The following ZNF136 variants were observed in gnomAD, a reference collection of about 807,000 sequenced individuals.
The protein encoded by ZNF136 is zinc finger protein 136 (clone pHZ-20).
ZNF136 carries 8 observed loss-of-function variants against 11.4 expected under a neutral mutation model. The ratio of observed to expected loss-of-function variants is 0.70; its 90% confidence interval spans 0.41 to 1.27. The LOEUF is 1.27. Among genes scored for constraint, ZNF136 ranks in the 50% most tolerant of loss-of-function variants. The pLI is 0.01. For synonymous variants in ZNF136, 190 were observed against 207.1 expected (o/e 0.92, Z 0.71); for missense variants, 590 against 656.5 (o/e 0.90, Z 1.11).
intron 1 of ZNF136, among the ~76,000 whole-genome samples, chr19:12,164,341 G>A (rs1977154900): frequency 6.6e-6 from 1 of 152,024 alleles, no homozygotes; most frequent in South Asian, 2.1e-4. Flanking sequence ...ACGTGATCTC[G>A]GCTCACTGCA....
chr19:12,169,602 A>G (rs983704808), intron 1 of ZNF136, among the ~76,000 whole-genome samples: 3 of 109,598 alleles, frequency 2.7e-5, no homozygotes, highest in African/African-American at 1.1e-4. Context: ...CACAGTACTG[A>G]TTCTGAATTT....
chr19:12,174,257 CT>C (rs1197225381), intron 1 of ZNF136, among the ~76,000 whole-genome samples: 1 of 152,108 alleles, frequency 6.6e-6, no homozygotes, highest in Non-Finnish European at 1.5e-5. Flanking sequence ...TCACAGAAGC[CT>C]TTTGTGTTGA....
intron 1 of ZNF136, among the ~76,000 whole-genome samples, chr19:12,173,770 C>T (rs76055793): frequency 0.013 from 2,041 of 152,248 alleles, 17 homozygotes; most frequent in Non-Finnish European, 0.019. Context: ...CCACTGCTGT[C>T]GGATGTGTGG....
chr19:12,185,680 T>C, intron 1 of ZNF136, 105 bp from the exon 2 acceptor site: 5 of 1,438,716 alleles, frequency 3.5e-6, no homozygotes, highest in Non-Finnish European at 4.7e-6. Context: ...GTGGAGTAAA[T>C]GTTTGCAGAC....
In ZNF136 at chr19:12,187,355, A is replaced by G. The variant is rs760230837; in HGVS notation, c.977A>G (p.His326Arg). The G allele has an allele frequency of 1.2e-6, 2 of 1,614,022 alleles. No individual in the cohort carries two copies. Among genetic ancestry groups the G allele is most frequent in the Non-Finnish European group, 1.7e-6 (2 of 1,180,012 alleles). The change falls in exon 4 of 4, where the codon CAT becomes CGT. Residue 326 changes from histidine (H) to arginine (R), a missense_variant. Transcript: ENST00000343979. Reference protein sequence around the residue: ...AFSYLPSLRLHERIHTGEKPF... With the variant: ...AFSYLPSLRLRERIHTGEKPF... ...AGTTATCTCCCCTCCCTTCGACTACATGAAAGAATTCACACTGGTGAGAAA... is the reference window on the plus strand; with the variant it reads ...AGTTATCTCCCCTCCCTTCGACTACGTGAAAGAATTCACACTGGTGAGAAA...
Position 12,187,641 on chromosome 19 carries a change from A to T in ZNF136, c.1263A>T (p.Val421=). Reference sequence around the variant, plus strand: ...CTCACACTGGAGAGAAACCTTATGTATGTAAACATTGTGGTAAAGCTTTCG... The same window carrying T: ...CTCACACTGGAGAGAAACCTTATGTTTGTAAACATTGTGGTAAAGCTTTCG... ...ERTHTGEKPY[V]CKHCGKAFVS... Residue 421 remains valine (V), a synonymous_variant, in exon 4 of 4, where the codon GTA becomes GTT. Transcript: ENST00000343979. 6.2e-7 allele frequency: 1 copy of T among 1,614,102 alleles called. No individual in the cohort carries two copies. Among genetic ancestry groups the T allele is most frequent in the South Asian group, 1.1e-5 (1 of 91,064 alleles).
intron 1 of ZNF136, chr19:12,163,719 CACG>C (rs1374953714): frequency 6.4e-6 from 1 of 155,618 alleles, no homozygotes; most frequent in Non-Finnish European, 1.4e-5. Context: ...CCCTTCCATT[CACG>C]ACATTAGCAA....
intron 1 of ZNF136, among the ~76,000 whole-genome samples, chr19:12,182,964 C>T (rs1368132789): frequency 2.0e-5 from 3 of 152,004 alleles, no homozygotes; most frequent in South Asian, 4.2e-4. Context: ...TGTATTTTAC[C>T]ATTAAAGCTT....
In ZNF136 at chr19:12,163,181, C is replaced by T; in HGVS notation, c.-23C>T. On this transcript the variant is annotated 5_prime_UTR_variant, in exon 1 of 4. Transcript: ENST00000343979. Reference sequence around the variant, plus strand: ...TGCCTTGGGATCCGGAGGGAGGAAGCTGGGACACCCGGGAGTCAGGAAATG... The same window carrying T: ...TGCCTTGGGATCCGGAGGGAGGAAGTTGGGACACCCGGGAGTCAGGAAATG... The T allele has an allele frequency of 7.1e-7, 1 of 1,400,464 alleles. No homozygotes were observed. 86.8% of individuals were successfully genotyped at this position (1,400,464 alleles called of 1,614,324 possible). A position where few individuals can be genotyped will look rare whatever the true frequency, so the allele number is the denominator to read the frequency against.
chr19:12,176,533 G>A (rs143809871), intron 1 of ZNF136, among the ~76,000 whole-genome samples: 1 of 151,966 alleles, frequency 6.6e-6, no homozygotes, highest in Non-Finnish European at 1.5e-5. Flanking sequence ...CACCATGTTG[G>A]CCAGGCTGGT....
intron 1 of ZNF136, among the ~76,000 whole-genome samples, chr19:12,181,078 T>C (rs954611350): frequency 2.0e-5 from 3 of 152,226 alleles, no homozygotes; most frequent in Non-Finnish European, 4.4e-5. Context: ...TTTCTTTTCT[T>C]GAGCTGGCTG....
At chr19:12,165,535 C>T (rs12609116) in intron 1 of ZNF136, among the ~76,000 whole-genome samples, 26,462 of 152,164 alleles carry the variant, frequency 0.17, 2,745 homozygotes, top group African/African-American at 0.28. Context: ...CGGCTTGTAT[C>T]TGTATTTCTC....
chr19:12,174,542 A>G (rs1046377474), intron 1 of ZNF136, among the ~76,000 whole-genome samples: 1 of 152,184 alleles, frequency 6.6e-6, no homozygotes, highest in Non-Finnish European at 1.5e-5. Context: ...TCCTCGATGT[A>G]TGTTAGAGAA....
At chr19:12,169,996 G>A (rs1051769996) in intron 1 of ZNF136, among the ~76,000 whole-genome samples, 6 of 149,700 alleles carry the variant, frequency 4.0e-5, no homozygotes, top group African/African-American at 7.3e-5. Context: ...GGGTTTCACT[G>A]TGTTAGCCAG....
At chr19:12,179,507 C>T (rs1179545202) in intron 1 of ZNF136, among the ~76,000 whole-genome samples, 1 of 152,020 alleles carries the variant, frequency 6.6e-6, no homozygotes, top group African/African-American at 2.4e-5. Context: ...GACGGGGTTC[C>T]TCCATGTTGG....
chr19:12,186,779 A>C lies in ZNF136; in HGVS notation c.401A>C (p.Glu134Ala), dbSNP rs774598375. Residue 134 changes from glutamate to alanine, a missense_variant, in exon 4 of 4, where the codon GAA becomes GCA. Glu to Ala is a moderately radical substitution (Grantham distance 107). Coordinates refer to ENST00000343979, the MANE Select transcript of ZNF136 (RefSeq NM_003437.5). ...GGACATGAACCAAAGGAATATCAGGAATATGGAGAGAAGCCAGATACACGT... is the reference window on the plus strand; with the variant it reads ...GGACATGAACCAAAGGAATATCAGGCATATGGAGAGAAGCCAGATACACGT... ...HSGHEPKEYQ[E>A]YGEKPDTRNQ... 1 of 1,614,042 alleles carries C rather than the reference A, an allele frequency of 6.2e-7. No homozygotes were observed. Among genetic ancestry groups the C allele is most frequent in the African/African-American group, 1.3e-5 (1 of 74,930 alleles).
intron 1 of ZNF136, among the ~76,000 whole-genome samples, chr19:12,172,787 G>A (rs980137635): frequency 2.0e-5 from 3 of 152,172 alleles, no homozygotes; most frequent in Non-Finnish European, 4.4e-5. Context: ...GCTGAGGCAG[G>A]CGGATCACGA....
At chr19:12,165,044 G>A (rs376865950) in intron 1 of ZNF136, among the ~76,000 whole-genome samples, 1 of 152,208 alleles carries the variant, frequency 6.6e-6, no homozygotes, top group East Asian at 1.9e-4. Context: ...AGACACTTTG[G>A]GTCATATTTT....
intron 1 of ZNF136, among the ~76,000 whole-genome samples, chr19:12,178,419 T>C (rs972882522): frequency 6.6e-6 from 1 of 152,330 alleles, no homozygotes; most frequent in South Asian, 2.1e-4. Context: ...ACCTTCCTCA[T>C]ATCAGGAAGA....
Sources: gnomAD v4.1 joint callset for allele counts (sites outside exome capture counted in the v4.1 genomes callset) on GRCh38, gnomAD v4.1.1 for gene constraint, MANE v1.5 for transcripts, NCBI Gene and HGNC (gene_info 2026-07-23, HGNC 2026-07-21) for gene names.